The following IGF2BP2 variants were observed in gnomAD, a reference collection of about 807,000 sequenced individuals.
IGF2BP2 encodes insulin like growth factor 2 mRNA binding protein 2.
IGF2BP2 carries 17 observed loss-of-function variants against 75.8 expected under a neutral mutation model. That is an observed-to-expected ratio of 0.22 (90% CI 0.15 to 0.34). IGF2BP2 has a LOEUF of 0.34. Ranked by LOEUF, IGF2BP2 falls within the 10% of genes least tolerant of loss-of-function variation. The probability of loss-of-function intolerance (pLI) is 1.00; values close to 1 mark genes in which losing one functional copy is unlikely to be tolerated. For synonymous variants in IGF2BP2, 288 were observed against 295.6 expected (o/e 0.97, Z 0.26); for missense variants, 516 against 772.4 (o/e 0.67, Z 3.93).
chr3:185,808,725 ATT>A (rs71164545), intron 2 of IGF2BP2, among the ~76,000 whole-genome samples: 2 of 141,058 alleles, frequency 1.4e-5, no homozygotes, highest in Admixed American at 7.1e-5. Context: ...ACACCTGGCT[ATT>A]TTTTTTTTTT....
intron 2 of IGF2BP2, among the ~76,000 whole-genome samples, chr3:185,709,767 T>C (rs1406709198): frequency 6.6e-6 from 1 of 152,150 alleles, no homozygotes; most frequent in Non-Finnish European, 1.5e-5. Flanking sequence ...CTCCTCCCTC[T>C]TTCCATGTAA....
intron 7 of IGF2BP2, among the ~76,000 whole-genome samples, chr3:185,682,160 T>C (rs1720487482): frequency 6.6e-6 from 1 of 152,232 alleles, no homozygotes; most frequent in Non-Finnish European, 1.5e-5. Context: ...AATTATTTAT[T>C]TGATAAGGGG....
chr3:185,763,155 A>T (rs552259642), intron 2 of IGF2BP2, among the ~76,000 whole-genome samples: 5 of 152,150 alleles, frequency 3.3e-5, no homozygotes, highest in South Asian at 2.1e-4. Flanking sequence ...TATTTTTTTT[A>T]AAAAAACTTC....
intron 2 of IGF2BP2, among the ~76,000 whole-genome samples, chr3:185,786,227 C>G (rs1412388127): frequency 6.6e-6 from 1 of 152,066 alleles, no homozygotes; most frequent in Non-Finnish European, 1.5e-5. Flanking sequence ...TCACTCCCCC[C>G]AAGAATCAAT....
At chr3:185,790,167 T>A (rs1475500972) in intron 2 of IGF2BP2, among the ~76,000 whole-genome samples, 3 of 152,164 alleles carry the variant, frequency 2.0e-5, no homozygotes, top group Non-Finnish European at 1.5e-5. Context: ...TTCCTCCACC[T>A]CTAGTTTTCA....
intron 2 of IGF2BP2, among the ~76,000 whole-genome samples, chr3:185,788,299 C>T (rs906617204): frequency 4.6e-5 from 7 of 152,104 alleles, no homozygotes; most frequent in African/African-American, 9.7e-5. Flanking sequence ...GTGGGCTGAT[C>T]GCTTGAGCCT....
At chr3:185,702,518 C>A (rs1225354659) in intron 2 of IGF2BP2, among the ~76,000 whole-genome samples, 1 of 152,118 alleles carries the variant, frequency 6.6e-6, no homozygotes, top group Non-Finnish European at 1.5e-5. Context: ...TTTCACAGTT[C>A]CAATATGTTA....
intron 2 of IGF2BP2, among the ~76,000 whole-genome samples, chr3:185,782,497 A>G (rs1022401644): frequency 2.0e-5 from 3 of 152,076 alleles, no homozygotes; most frequent in African/African-American, 7.2e-5. Flanking sequence ...TCTCTAATTT[A>G]CCATGTTCAA....
chr3:185,699,730 G>C (rs907033325), intron 2 of IGF2BP2, among the ~76,000 whole-genome samples: 2 of 152,150 alleles, frequency 1.3e-5, no homozygotes, highest in African/African-American at 4.8e-5. Context: ...TCAAGGTAGA[G>C]TTAGAGAGCT....
intron 2 of IGF2BP2, among the ~76,000 whole-genome samples, chr3:185,797,888 C>T (rs1205658567): frequency 4.3e-5 from 6 of 138,398 alleles, no homozygotes; most frequent in African/African-American, 8.6e-5. Context: ...AGAGTGAGAC[C>T]CTGTCTCTTA....
chr3:185,771,270 G>A (rs1733829886), intron 2 of IGF2BP2, among the ~76,000 whole-genome samples: 2 of 151,840 alleles, frequency 1.3e-5, no homozygotes, highest in South Asian at 2.1e-4. Flanking sequence ...TGAAACCCCT[G>A]TCTCTACTAA....
At chr3:185,810,397 T>C (rs1282387797) in intron 2 of IGF2BP2, among the ~76,000 whole-genome samples, 1 of 152,242 alleles carries the variant, frequency 6.6e-6, no homozygotes, top group Non-Finnish European at 1.5e-5. Context: ...TTTCAAACTA[T>C]TTAAAAGCAC....
At chr3:185,815,026 C>T (rs981099170) in intron 2 of IGF2BP2, among the ~76,000 whole-genome samples, 12 of 151,834 alleles carry the variant, frequency 7.9e-5, no homozygotes, top group African/African-American at 2.2e-4. Flanking sequence ...ACAAAAAAAC[C>T]TCAAGTTTTT....
At chr3:185,745,451 C>T (rs906647922) in intron 2 of IGF2BP2, among the ~76,000 whole-genome samples, 2 of 152,162 alleles carry the variant, frequency 1.3e-5, no homozygotes, top group African/African-American at 2.4e-5. Context: ...CTGAACAAAA[C>T]TCTGCCTGTT....
chr3:185,646,188 C>G (rs1213772138), intron 15 of IGF2BP2, among the ~76,000 whole-genome samples: 1 of 152,150 alleles, frequency 6.6e-6, no homozygotes, highest in Non-Finnish European at 1.5e-5. Flanking sequence ...AGGAGCTGAG[C>G]TGGGAGACAG....
intron 10 of IGF2BP2, among the ~76,000 whole-genome samples, chr3:185,666,439 G>T (rs959313698): frequency 3.3e-5 from 5 of 152,256 alleles, no homozygotes; most frequent in African/African-American, 1.2e-4. Flanking sequence ...TTCAAGGCCA[G>T]CCTGGGTAAC....
chr3:185,745,608 A>G (rs921648728), intron 2 of IGF2BP2, among the ~76,000 whole-genome samples: 4 of 152,182 alleles, frequency 2.6e-5, no homozygotes, highest in Non-Finnish European at 5.9e-5. Flanking sequence ...TCAGGAAATG[A>G]GTCCAACCGT....
Position 185,647,565 on chromosome 3 carries a change from C to T in IGF2BP2, c.1594-427G>A, listed in dbSNP as rs972539843. On this transcript the variant is annotated intron_variant, in intron 14 of 15. Coordinates refer to ENST00000382199, the MANE Select transcript of IGF2BP2 (RefSeq NM_006548.6). The surrounding 1 kb of genome is among the most constrained non-coding windows in gnomAD (Gnocchi z 4.9). ...CCAAACCTCCTCTTGGTTAACTTTCCCTGCGAATCAGCCCTGCTGTTCCCT... is the reference window on the plus strand; with the variant it reads ...CCAAACCTCCTCTTGGTTAACTTTCTCTGCGAATCAGCCCTGCTGTTCCCT... 1.3e-5 allele frequency among the ~76,000 whole-genome samples: 2 copies of T among 152,136 alleles called. No individual in the cohort carries two copies. Among genetic ancestry groups the T allele is most frequent in the African/African-American group, 4.8e-5 (2 of 41,428 alleles).
At position 185,645,382 on chromosome 3, in the gene IGF2BP2, C is replaced by T. The variant is rs201402095; in HGVS notation, c.*149G>A. On this transcript the variant is annotated 3_prime_UTR_variant, in exon 16 of 16. Transcript: ENST00000382199. This position sits in a 1 kb window ranked among gnomAD's most constrained non-coding sequence, Gnocchi z 4.9. ...TCGGCCCCTGGGGTTCTCAGGGCCT[C>T]GGCAGAGTCCCTGGCCGCCTCCGCA... The T allele has an allele frequency of 2.3e-4, 144 of 627,694 alleles. 1 individual carries two copies. The East Asian group carries it at 3.6e-3, about 16-fold the overall frequency. The allele number at this position is 627,694 out of a possible 1,614,324, so 38.9% of individuals were successfully genotyped here. A position where few individuals can be genotyped will look rare whatever the true frequency, so the allele number is the denominator to read the frequency against.
Sources: gnomAD v4.1 joint callset for allele counts (sites outside exome capture counted in the v4.1 genomes callset) on GRCh38, gnomAD v4.1.1 for gene constraint, Gnocchi (gnomAD v3.1) non-coding constraint, MANE v1.5 for transcripts, NCBI Gene and HGNC (gene_info 2026-07-23, HGNC 2026-07-21) for gene names.